ZMYND8: variants seen among roughly 807,000 people sequenced by gnomAD.
ZMYND8 encodes zinc finger MYND-type containing 8, also known as MYND-type zinc finger-containing chromatin reader ZMYND8.
A neutral mutation model predicts 140.8 loss-of-function variants in ZMYND8; 37 were observed. That is an observed-to-expected ratio of 0.26 (90% CI 0.20 to 0.35). The LOEUF (loss-of-function observed/expected upper bound fraction) is 0.35, where lower values mean the gene tolerates loss of function less well. Ranked by LOEUF, ZMYND8 falls within the 10% of genes least tolerant of loss-of-function variation. The pLI is 1.00. For synonymous variants in ZMYND8, 592 were observed against 597.1 expected (o/e 0.99, Z 0.12); for missense variants, 1,068 against 1,570.0 (o/e 0.68, Z 5.40).
At chr20:47,249,864 TC>T (rs1012614472) in intron 12 of ZMYND8, among the ~76,000 whole-genome samples, 22 of 152,152 alleles carry the variant, frequency 1.4e-4, no homozygotes, top group African/African-American at 5.1e-4. Flanking sequence ...AGGACTTGTA[TC>T]CAAGAAAGAT....
At position 47,325,792 on chromosome 20, in the gene ZMYND8, TG is replaced by T. The variant is rs1176278125; in HGVS notation, c.86-15589del. Among the ~76,000 whole-genome samples the T allele has an allele frequency of 4.7e-3, 711 of 151,706 alleles. 5 individuals are homozygous for T. The highest frequency in any genetic ancestry group is 0.017 in the African/African-American group (680 of 41,130). On this transcript the variant is annotated intron_variant, in intron 2 of 22. Coordinates refer to ENST00000471951, the MANE Select transcript of ZMYND8 (RefSeq NM_001281775.3). ...CAATTATTCTTTTTCCATTTTGTTT[TG>T]TTTTTTTTTTCTGAGACAGAGTTTC...
intron 11 of ZMYND8, among the ~76,000 whole-genome samples, chr20:47,275,752 C>T (rs1016760569): frequency 6.6e-6 from 1 of 151,980 alleles, no homozygotes; most frequent in Non-Finnish European, 1.5e-5. Flanking sequence ...GGACTATAGA[C>T]ACACGCCACC....
At chr20:47,263,893 A>G (rs2075322911) in intron 11 of ZMYND8, among the ~76,000 whole-genome samples, 1 of 152,168 alleles carries the variant, frequency 6.6e-6, no homozygotes, top group Non-Finnish European at 1.5e-5. Context: ...TTTCCCCATT[A>G]ACCTCTAGGG....
At chr20:47,239,710 GCGGTACTGATAGCCAGGA>G (rs2039707084) in intron 14 of ZMYND8, among the ~76,000 whole-genome samples, 1 of 152,152 alleles carries the variant, frequency 6.6e-6, no homozygotes, top group Non-Finnish European at 1.5e-5. Flanking sequence ...AAGTTTGAAG[GCGGTACTGATAGCCAGGA>G]CAATACCAGG....
At chr20:47,305,878 AC>A (rs1383583330) in intron 3 of ZMYND8, among the ~76,000 whole-genome samples, 13 of 152,228 alleles carry the variant, frequency 8.5e-5, no homozygotes. Flanking sequence ...ATCTGTAAAG[AC>A]CCTGACGTCA....
At chr20:47,227,063 T>C (rs1600996004) in intron 18 of ZMYND8, 140 bp downstream of exon 18, 2 of 895,014 alleles carry the variant, frequency 2.2e-6, no homozygotes, top group South Asian at 1.6e-5. Flanking sequence ...GCCCAGACTC[T>C]CAGGATTCTG....
chr20:47,334,862 G>T (rs1363164929), intron 2 of ZMYND8, among the ~76,000 whole-genome samples: 1 of 151,576 alleles, frequency 6.6e-6, no homozygotes, highest in African/African-American at 2.4e-5. Flanking sequence ...CACCCGCCTC[G>T]GCCTCCCAAA....
intron 2 of ZMYND8, among the ~76,000 whole-genome samples, chr20:47,343,827 C>T (rs2082115007): frequency 6.6e-6 from 1 of 152,004 alleles, no homozygotes; most frequent in South Asian, 2.1e-4. Flanking sequence ...CCTCTGCTTT[C>T]GAGGAGGTGG....
chr20:47,245,623 T>C (rs2040475884), intron 14 of ZMYND8, among the ~76,000 whole-genome samples: 1 of 152,198 alleles, frequency 6.6e-6, no homozygotes, highest in African/African-American at 2.4e-5. Context: ...TGAAGGACCA[T>C]TTGACAAGAT....
chr20:47,337,310 A>T (rs1415070633), intron 2 of ZMYND8, among the ~76,000 whole-genome samples: 2 of 152,014 alleles, frequency 1.3e-5, no homozygotes, highest in Admixed American at 1.3e-4. Flanking sequence ...CGAGATAGGC[A>T]CTCCAGCCTG....
chr20:47,294,833 C>G (rs1401169194), intron 4 of ZMYND8, 54 bp from the exon 5 acceptor site: 6 of 1,494,454 alleles, frequency 4.0e-6, no homozygotes, highest in Non-Finnish European at 5.6e-6. Context: ...AAATTACCAT[C>G]CATGTACTGA....
chr20:47,284,033 G>C (rs1414762772), intron 8 of ZMYND8, among the ~76,000 whole-genome samples: 1 of 151,722 alleles, frequency 6.6e-6, no homozygotes, highest in Non-Finnish European at 1.5e-5. Flanking sequence ...AGCAATTCTC[G>C]TGCCTCAGCC....
At chr20:47,313,040 G>A (rs2079061981) in intron 2 of ZMYND8, among the ~76,000 whole-genome samples, 3 of 152,014 alleles carry the variant, frequency 2.0e-5, no homozygotes, top group South Asian at 2.1e-4. Context: ...TGAAACAAAC[G>A]TCTGCAAACA....
chr20:47,250,484 AG>A (rs2074083142), intron 12 of ZMYND8, among the ~76,000 whole-genome samples: 1 of 152,298 alleles, frequency 6.6e-6, no homozygotes, highest in East Asian at 1.9e-4. Flanking sequence ...CAACCCACAA[AG>A]AGGAGAAGCC....
chr20:47,241,300 A>C (rs906925812), intron 14 of ZMYND8, among the ~76,000 whole-genome samples: 1 of 151,760 alleles, frequency 6.6e-6, no homozygotes, highest in Admixed American at 6.6e-5. Flanking sequence ...GTCTCAAAAA[A>C]AAAAAAAAAA....
At chr20:47,216,546 C>CTT (rs2036151226) in intron 21 of ZMYND8, among the ~76,000 whole-genome samples, 1 of 140,734 alleles carries the variant, frequency 7.1e-6, no homozygotes, top group Admixed American at 7.2e-5. Context: ...GTGGCTCAAG[C>CTT]TTGTAATCCC....
At chr20:47,237,106 G>A (rs1377479296) in intron 15 of ZMYND8, among the ~76,000 whole-genome samples, 1 of 151,606 alleles carries the variant, frequency 6.6e-6, no homozygotes, top group Admixed American at 6.6e-5. Context: ...GCTTTACTTT[G>A]GCGTAAGACA....
At position 47,298,469 on chromosome 20, in the gene ZMYND8, G is replaced by A; in HGVS notation, c.453+260C>T. ...AGTTCATCATAGAAGATGCAGAGATGACGACTACAGATCTCCAAGGAATCC... is the reference window on the plus strand; with the variant it reads ...AGTTCATCATAGAAGATGCAGAGATAACGACTACAGATCTCCAAGGAATCC... On this transcript the variant is annotated intron_variant, in intron 4 of 22. Coordinates refer to ENST00000471951, the MANE Select transcript of ZMYND8 (RefSeq NM_001281775.3). This position sits in a 1 kb window ranked among gnomAD's most constrained non-coding sequence, Gnocchi z 5.0. 1 of 985,410 alleles carries A rather than the reference G, an allele frequency of 1.0e-6. No homozygotes were observed. The highest frequency in any genetic ancestry group is 1.2e-6 in the Non-Finnish European group (1 of 829,930). The allele number at this position is 985,410 out of a possible 1,614,324, so 61.0% of individuals were successfully genotyped here.
At chr20:47,214,579 C>T (rs750779338) in intron 21 of ZMYND8, among the ~76,000 whole-genome samples, 1 of 152,158 alleles carries the variant, frequency 6.6e-6, no homozygotes, top group Non-Finnish European at 1.5e-5. Context: ...CTGTAACCTC[C>T]GCCTCCTGGG....
Sources: allele counts gnomAD v4.1 joint callset (sites outside exome capture counted in the v4.1 genomes callset), GRCh38; gene constraint gnomAD v4.1.1; non-coding constraint Gnocchi (gnomAD v3.1); transcripts MANE v1.5; gene names NCBI Gene and HGNC (gene_info 2026-07-23, HGNC 2026-07-21).